MRAP2: variants seen among roughly 807,000 people sequenced by gnomAD.
MRAP2 encodes the protein melanocortin 2 receptor accessory protein 2.
A neutral mutation model predicts 17.4 loss-of-function variants in MRAP2; 20 were observed. That is an observed-to-expected ratio of 1.15 (90% CI 0.81 to 1.67). The LOEUF is 1.67. MRAP2 is among the 40% of genes most tolerant of loss of function. The probability of loss-of-function intolerance (pLI) is 0.00; values close to 1 mark genes in which losing one functional copy is unlikely to be tolerated. For synonymous variants in MRAP2, 96 were observed against 88.4 expected (o/e 1.09, Z -0.48); for missense variants, 238 against 240.0 (o/e 0.99, Z 0.05).
At chr6:84,037,177 T>C (rs575129434) in intron 1 of MRAP2, among the ~76,000 whole-genome samples, 1 of 148,554 alleles carries the variant, frequency 6.7e-6, no homozygotes, top group African/African-American at 2.6e-5. Flanking sequence ...AGAGTGTTGA[T>C]TGGTGTGATT....
the MRAP2 span, among the ~76,000 whole-genome samples, chr6:84,126,211 G>C: frequency 0.049 from 7,452 of 152,002 alleles, 229 homozygotes; most frequent in Admixed American, 0.088. Flanking sequence ...GAGATATAAA[G>C]TCTCATTTTC....
At chr6:84,089,048 G>T in intron 3 of MRAP2, 43 bp from the exon 4 acceptor site, 1 of 1,554,848 alleles carries the variant, frequency 6.4e-7, no homozygotes. Flanking sequence ...GCAGGTGAAT[G>T]GGCTGGAGTG....
chr6:84,069,046 C>T (rs997257134), intron 3 of MRAP2, among the ~76,000 whole-genome samples: 6 of 152,116 alleles, frequency 3.9e-5, no homozygotes, highest in Middle Eastern at 3.4e-3. Context: ...CGTCAGCAAA[C>T]AGTGACAGTG....
chr6:84,131,050 G>A, the MRAP2 span, among the ~76,000 whole-genome samples: 4 of 152,298 alleles, frequency 2.6e-5, no homozygotes, highest in African/African-American at 9.6e-5. Context: ...ATTCTGGTAC[G>A]TCATGTCTTT....
rs1307143534 is a variant in MRAP2, at chr6:84,033,837, A to G, written c.-54A>G. On this transcript the variant is annotated 5_prime_UTR_variant, in exon 1 of 4. Coordinates refer to ENST00000257776, the MANE Select transcript of MRAP2 (RefSeq NM_138409.4). ...GGCGCTCGCGCACCTCGGAGGAGCC[A>G]GGAGCCGGAACCAGGGCCGAGCCCG... 1 of 974,510 alleles carries G rather than the reference A, an allele frequency of 1.0e-6. No homozygotes were observed. 60.4% of individuals were successfully genotyped at this position (974,510 alleles called of 1,614,324 possible).
chr6:84,144,941 T>C, the MRAP2 span, among the ~76,000 whole-genome samples: 1 of 152,128 alleles, frequency 6.6e-6, no homozygotes, highest in Non-Finnish European at 1.5e-5. Context: ...GGGACATAAA[T>C]ATTTGCATAA....
chr6:84,122,804 T>C, the MRAP2 span, among the ~76,000 whole-genome samples: 1 of 152,166 alleles, frequency 6.6e-6, no homozygotes, highest in African/African-American at 2.4e-5. Flanking sequence ...GTTTTGCTGA[T>C]GACACGATTG....
chr6:84,094,637 C>A (rs1044694570), downstream of MRAP2, among the ~76,000 whole-genome samples: 1 of 152,056 alleles, frequency 6.6e-6, no homozygotes, highest in African/African-American at 2.4e-5. Flanking sequence ...TCTGCAGTAC[C>A]TTTAGTATCC....
the MRAP2 span, among the ~76,000 whole-genome samples, chr6:84,135,202 C>A: frequency 6.6e-6 from 1 of 152,126 alleles, no homozygotes; most frequent in Non-Finnish European, 1.5e-5. Context: ...AAAACACATG[C>A]ATAGTGAATC....
chr6:84,128,031 C>A, the MRAP2 span, among the ~76,000 whole-genome samples: 1 of 152,178 alleles, frequency 6.6e-6, no homozygotes, highest in Admixed American at 6.6e-5. Context: ...CTGTCTGACT[C>A]CTCACATAAA....
chr6:84,065,007 A>C (rs2099494271), intron 3 of MRAP2, among the ~76,000 whole-genome samples: 1 of 152,188 alleles, frequency 6.6e-6, no homozygotes, highest in Non-Finnish European at 1.5e-5. Flanking sequence ...AAACACAGCC[A>C]GGCACGGTGG....
chr6:84,107,953 A>C, the MRAP2 span, among the ~76,000 whole-genome samples: 118 of 152,338 alleles, frequency 7.7e-4, no homozygotes, highest in Non-Finnish European at 6.9e-4. Flanking sequence ...TTAACCACTG[A>C]TCTAGCAACA....
chr6:84,122,352 CAAAAAAAAAAA>C, the MRAP2 span, among the ~76,000 whole-genome samples: 2 of 36,156 alleles, frequency 5.5e-5, no homozygotes, highest in East Asian at 1.0e-3. Flanking sequence ...ACAGCACATC[CAAAAAAAAAAA>C]AAAAAAAAAA....
downstream of MRAP2, among the ~76,000 whole-genome samples, chr6:84,092,258 G>A (rs1295970995): frequency 6.6e-6 from 1 of 152,110 alleles, no homozygotes; most frequent in Admixed American, 6.6e-5. Context: ...GCCACATAAG[G>A]CTACATATTG....
chr6:84,039,468 A>T (rs1179625041), intron 1 of MRAP2, among the ~76,000 whole-genome samples: 1 of 152,146 alleles, frequency 6.6e-6, no homozygotes, highest in African/African-American at 2.4e-5. Flanking sequence ...GAAACTGTGC[A>T]TTTTCCTTGC....
rs2099491375 is a variant in MRAP2 at position 84,055,199 on chromosome 6, C to A, written c.-7-113C>A. 31 of 1,259,582 alleles carry A rather than the reference C, an allele frequency of 2.5e-5. 1 individual carries two copies. The South Asian group carries it at 4.6e-4, about 19-fold the overall frequency. The allele number at this position is 1,259,582 out of a possible 1,614,324, so 78.0% of individuals were successfully genotyped here. On this transcript the variant is annotated intron_variant, in intron 1 of 3. Coordinates refer to ENST00000257776, the MANE Select transcript of MRAP2 (RefSeq NM_138409.4). ...CCTCTCCTGGCCTAGGAGGTAAGACCTCCTCAAGGGGTTTGCTGCCAAACT... is the reference window on the plus strand; with the variant it reads ...CCTCTCCTGGCCTAGGAGGTAAGACATCCTCAAGGGGTTTGCTGCCAAACT...
chr6:84,145,537 C>A, the MRAP2 span, among the ~76,000 whole-genome samples: 1 of 152,010 alleles, frequency 6.6e-6, no homozygotes, highest in Admixed American at 6.6e-5. Flanking sequence ...TGTAACACAC[C>A]CTTGTAGATA....
At chr6:84,077,632 G>T (rs145817941) in intron 3 of MRAP2, among the ~76,000 whole-genome samples, 34 of 152,264 alleles carry the variant, frequency 2.2e-4, no homozygotes, top group African/African-American at 6.5e-4. Context: ...TTGGTTAAAT[G>T]TATTGTTAAC....
the MRAP2 span, among the ~76,000 whole-genome samples, chr6:84,128,260 A>G: frequency 1.3e-5 from 2 of 152,212 alleles, no homozygotes; most frequent in African/African-American, 2.4e-5. Context: ...GCACCTACCT[A>G]AAAGAACCTT....
Sources: allele counts gnomAD v4.1 joint callset (sites outside exome capture counted in the v4.1 genomes callset), GRCh38; gene constraint gnomAD v4.1.1; transcripts MANE v1.5; gene names NCBI Gene and HGNC (gene_info 2026-07-23, HGNC 2026-07-21).